Variants in NETO2 observed in about 807,000 individuals in gnomAD.
The protein encoded by NETO2 is neuropilin and tolloid-like protein 2.
NETO2 carries 28 observed loss-of-function variants against 62.5 expected under a neutral mutation model. The observed-to-expected ratio is 0.45, with a 90% CI of 0.33 to 0.61. The LOEUF is 0.61. Ranked by LOEUF, NETO2 falls within the 20% of genes least tolerant of loss-of-function variation. The pLI, the probability that NETO2 is intolerant of heterozygous loss-of-function variation, is 0.02. For synonymous variants in NETO2, 214 were observed against 219.1 expected, an observed-to-expected ratio of 0.98 and a Z score of 0.21; for missense variants, 548 against 643.2, an observed-to-expected ratio of 0.85 and a Z score of 1.60.
At chr16:47,113,585 CTTTTTTTTTTTTT>C (rs953891691) in intron 6 of NETO2, among the ~76,000 whole-genome samples, 2 of 106,644 alleles carry the variant, frequency 1.9e-5, no homozygotes, top group African/African-American at 7.3e-5. Flanking sequence ...ACAGTTTATT[CTTTTTTTTTTTTT>C]TTTTTTTTTG....
intron 7 of NETO2, among the ~76,000 whole-genome samples, chr16:47,102,869 T>C (rs539108057): frequency 6.6e-5 from 10 of 152,222 alleles, no homozygotes; most frequent in Admixed American, 1.3e-4. Context: ...TCAACCATCG[T>C]AGAAGAGTAT....
At chr16:47,100,545 T>G (rs1024336391) in intron 7 of NETO2, among the ~76,000 whole-genome samples, 6 of 151,314 alleles carry the variant, frequency 4.0e-5, no homozygotes, top group African/African-American at 1.2e-4. Context: ...ACAAAATAGA[T>G]AGACCGCTAG....
chr16:47,135,933 G>A (rs1567401486), intron 1 of NETO2, among the ~76,000 whole-genome samples: 1 of 152,052 alleles, frequency 6.6e-6, no homozygotes, highest in Non-Finnish European at 1.5e-5. Flanking sequence ...AGGGAAGAAA[G>A]TAAAACTAAA....
chr16:47,095,879 A>C (rs1963417456), intron 7 of NETO2, among the ~76,000 whole-genome samples: 1 of 152,204 alleles, frequency 6.6e-6, no homozygotes, highest in Non-Finnish European at 1.5e-5. Flanking sequence ...TACACATCAG[A>C]CAGTCTCTAG....
rs758362552 is a variant in NETO2 at position 47,132,040 on chromosome 16, G to A, written c.35-15C>T. 12 of 1,598,182 alleles carry A rather than the reference G, an allele frequency of 7.5e-6. No individual in the cohort carries two copies. The highest frequency in any genetic ancestry group is 2.2e-5 in the East Asian group (1 of 44,656). ...TATTAACAACACTAGAGAAATAACA[G>A]AGAAGAAAAGTTATGAAATTGAATC... On this transcript the variant is annotated splice_polypyrimidine_tract_variant and intron_variant, in intron 1 of 8. Coordinates refer to ENST00000562435, the MANE Select transcript of NETO2 (RefSeq NM_018092.5).
At chr16:47,141,160 T>C (rs1375083412) in intron 1 of NETO2, among the ~76,000 whole-genome samples, 1 of 152,252 alleles carries the variant, frequency 6.6e-6, no homozygotes, top group African/African-American at 2.4e-5. Context: ...GAACTAAAAT[T>C]ACTTTCTACT....
intron 6 of NETO2, among the ~76,000 whole-genome samples, chr16:47,116,226 T>A (rs1427103077): frequency 6.6e-6 from 1 of 150,560 alleles, no homozygotes; most frequent in Non-Finnish European, 1.5e-5. Flanking sequence ...TGATTCTCAA[T>A]CCTCTTGTAT....
chr16:47,081,776 A>G lies in NETO2; in HGVS notation c.*1445T>C, dbSNP rs1228817482. 1.3e-5 allele frequency: 2 copies of G among 152,456 alleles called. No individual in the cohort carries two copies. Among genetic ancestry groups the G allele is most frequent in the African/African-American group, 4.8e-5 (2 of 41,462 alleles). The allele number at this position is 152,456 out of a possible 1,614,324, so 9.4% of individuals were successfully genotyped here. A position where few individuals can be genotyped will look rare whatever the true frequency, so the allele number is the denominator to read the frequency against. On this transcript the variant is annotated 3_prime_UTR_variant, in exon 9 of 9. Transcript: ENST00000562435. Reference sequence around the variant, plus strand: ...AAGATCCACAACCTTGGTGGCATAAATAACATGATTAAAGGGTCAGGTACA... The same window carrying G: ...AAGATCCACAACCTTGGTGGCATAAGTAACATGATTAAAGGGTCAGGTACA...
intron 4 of NETO2, 126 bp from the exon 5 acceptor site, chr16:47,123,038 A>G (rs937656703): frequency 5.9e-5 from 49 of 837,240 alleles, no homozygotes; most frequent in East Asian, 4.4e-4. Context: ...TGAAAACTAC[A>G]TATCATTGGT....
At chr16:47,108,226 A>G (rs1360157131) in intron 7 of NETO2, among the ~76,000 whole-genome samples, 1 of 152,236 alleles carries the variant, frequency 6.6e-6, no homozygotes, top group African/African-American at 2.4e-5. Flanking sequence ...AGAAGGTATG[A>G]TGGAAATGGA....
intron 1 of NETO2, 100 bp downstream of exon 1, chr16:47,143,479 G>A (rs1964507956): frequency 5.1e-6 from 6 of 1,185,144 alleles, no homozygotes; most frequent in Non-Finnish European, 6.3e-6. Context: ...AGGCGCGTCG[G>A]GTCCCGGGCG....
At position 47,079,799 on chromosome 16, in the gene NETO2, T is replaced by C. The variant is rs1384482585; in HGVS notation, c.*3422A>G. On this transcript the variant is annotated 3_prime_UTR_variant, in exon 9 of 9. Coordinates refer to ENST00000562435, the MANE Select transcript of NETO2 (RefSeq NM_018092.5). ...TTTAATGTCATATAATTCATGTCACTTGCAATAAAGTGACATGAACAATAT... is the reference window on the plus strand; with the variant it reads ...TTTAATGTCATATAATTCATGTCACCTGCAATAAAGTGACATGAACAATAT... 1 of 152,226 alleles carries C rather than the reference T, an allele frequency of 6.6e-6. No homozygotes were observed. Among genetic ancestry groups the C allele is most frequent in the Admixed American group, 6.5e-5 (1 of 15,282 alleles). 9.4% of individuals were successfully genotyped at this position (152,226 alleles called of 1,614,324 possible).
intron 8 of NETO2, among the ~76,000 whole-genome samples, chr16:47,085,958 T>A (rs1263922334): frequency 6.6e-6 from 1 of 151,752 alleles, no homozygotes; most frequent in Non-Finnish European, 1.5e-5. Context: ...ACCAAAAAAT[T>A]AGCCGGGCGT....
At chr16:47,089,881 T>G (rs1567379831) in intron 7 of NETO2, among the ~76,000 whole-genome samples, 2 of 152,212 alleles carry the variant, frequency 1.3e-5, no homozygotes, top group South Asian at 2.1e-4. Flanking sequence ...GAGTTTCTTT[T>G]TTTATTTATA....
At chr16:47,127,466 AGAGT>A (rs1964180092) in intron 4 of NETO2, among the ~76,000 whole-genome samples, 1 of 152,332 alleles carries the variant, frequency 6.6e-6, no homozygotes, top group African/African-American at 2.4e-5. Flanking sequence ...GTTTTTTAAA[AGAGT>A]AAATATTACA....
In NETO2 at chr16:47,122,738, A is replaced by G. The variant is rs1164485315; in HGVS notation, c.573T>C (p.Ser191=). ...TTGTTTTCTCCTCTTGTTCTACCTG[A>G]CTAGAGCGCACTATTCCATCAGCTC... ...LSGADGIVRS[S]QVEQEEKTKP... Residue 191 remains serine, a synonymous_variant, in exon 6 of 9, where the codon AGT becomes AGC. Coordinates refer to ENST00000562435, the MANE Select transcript of NETO2 (RefSeq NM_018092.5). 1.2e-6 allele frequency: 2 copies of G among 1,613,986 alleles called. No individual in the cohort carries two copies. Among genetic ancestry groups the G allele is most frequent in the East Asian group, 4.5e-5 (2 of 44,880 alleles).
chr16:47,093,029 G>A (rs745489982), intron 7 of NETO2, among the ~76,000 whole-genome samples: 10 of 152,112 alleles, frequency 6.6e-5, no homozygotes, highest in Non-Finnish European at 1.3e-4. Context: ...ATGGCTTCCC[G>A]CTGTGACTAT....
Position 47,078,005 on chromosome 16 carries a change from CTG to C in NETO2, c.*5214_*5215del, listed in dbSNP as rs1385521222. ...GAACAGCTTGGCTCTCCAGCCCACTCTGTGACAGTCCTCACTGCCTCTTCAGT... is the reference window on the plus strand; with the variant it reads ...GAACAGCTTGGCTCTCCAGCCCACTCTGACAGTCCTCACTGCCTCTTCAGT... On this transcript the variant is annotated 3_prime_UTR_variant, in exon 9 of 9. Transcript: ENST00000562435. 4 of 152,234 alleles carry C rather than the reference CTG, an allele frequency of 2.6e-5. No individual in the cohort carries two copies. The highest frequency in any genetic ancestry group is 4.1e-4 in the South Asian group (2 of 4,836). The allele number at this position is 152,234 out of a possible 1,614,324, so 9.4% of individuals were successfully genotyped here.
chr16:47,110,737 G>A (rs1233915983), intron 6 of NETO2, among the ~76,000 whole-genome samples: 1 of 151,954 alleles, frequency 6.6e-6, no homozygotes, highest in Non-Finnish European at 1.5e-5. Context: ...ATTTCTGAGG[G>A]AGCAGTATGC....
Sources: gnomAD v4.1 joint callset for allele counts (sites outside exome capture counted in the v4.1 genomes callset) on GRCh38, gnomAD v4.1.1 for gene constraint, MANE v1.5 for transcripts, NCBI Gene and HGNC (gene_info 2026-07-23, HGNC 2026-07-21) for gene names.